Variants in KRT35 observed in about 807,000 individuals in gnomAD.
KRT35 encodes the protein keratin 35.
In KRT35, 33 loss-of-function variants were observed where a neutral mutation model predicts 42.2. The ratio of observed to expected loss-of-function variants is 0.78; its 90% CI spans 0.59 to 1.05. The LOEUF (loss-of-function observed/expected upper bound fraction) is 1.05, where lower values mean the gene tolerates loss of function less well. KRT35 is among the 50% of genes least tolerant of loss of function. KRT35 has a pLI of 0.00. For missense variants in KRT35, 585 were observed against 589.2 expected, an observed-to-expected ratio of 0.99 and a Z score of 0.07; for synonymous variants, 218 against 238.2, an observed-to-expected ratio of 0.92 and a Z score of 0.78.
chr17:41,477,391 G>T, intron 6 of KRT35, 127 bp downstream of exon 6: 1 of 1,400,952 alleles, frequency 7.1e-7, no homozygotes, highest in Non-Finnish European at 9.7e-7. Context: ...TGAGTTTTCA[G>T]GAAGACCAGA....
rs563788913 is a variant in KRT35, at chr17:41,479,068, C to T, written c.712-73G>A. On this transcript the variant is annotated intron_variant, in intron 3 of 6. Transcript: ENST00000246639. ...AAGGTTCACCTCCTCCTCATGTTCACCTCCTCCCCATGCTCACCCCTCCTA... is the reference window on the plus strand; with the variant it reads ...AAGGTTCACCTCCTCCTCATGTTCATCTCCTCCCCATGCTCACCCCTCCTA... 6.4e-5 allele frequency: 94 copies of T among 1,457,570 alleles called. No individual in the cohort carries two copies. In the African/African-American group the frequency reaches 1.1e-3, roughly 17 times the overall value. The allele number at this position is 1,457,570 out of a possible 1,614,324, so 90.3% of individuals were successfully genotyped here. A position where few individuals can be genotyped will look rare whatever the true frequency, so the allele number is the denominator to read the frequency against.
chr17:41,481,010 C>A lies in KRT35; in HGVS notation c.88G>T (p.Ala30Ser), dbSNP rs139838007. Residue 30 changes from alanine (A) to serine (S), a missense_variant, in exon 1 of 7, where the codon GCA becomes TCA. Ala to Ser is a moderately conservative substitution (Grantham distance 99). Transcript: ENST00000246639. ...GASGGSTRVSAMYSSSSCKLP... is the reference protein window; with the variant it reads ...GASGGSTRVSSMYSSSSCKLP... ...TTGCAAGAGCTGCTGGAGTACATTG[C>A]GGACACACGAGTGGAGCCCCCACTG... The A allele has an allele frequency of 6.2e-7, 1 of 1,613,790 alleles. No individual in the cohort carries two copies. The highest frequency in any genetic ancestry group is 8.5e-7 in the Non-Finnish European group (1 of 1,180,012).
chr17:41,479,534 G>A, intron 2 of KRT35, 31 bp from the exon 3 acceptor site: 2 of 1,605,562 alleles, frequency 1.2e-6, no homozygotes, highest in Non-Finnish European at 8.5e-7. Context: ...ACCTGAGTCT[G>A]CATTTCCTTT....
chr17:41,477,159 GA>G lies in KRT35; in HGVS notation c.1264del (p.Ser422HisfsTer38). 6.2e-7 allele frequency: 1 copy of G among 1,613,826 alleles called. No homozygotes were observed. Among genetic ancestry groups the G allele is most frequent in the South Asian group, 1.1e-5 (1 of 91,032 alleles). ...GGCCGCAGGAAGACAGGGAAGGCAT[GA>G]CTTGGAGGGTGAGTAGTCAGGTGCA... is the stretch of plus-strand genomic sequence containing the variant. The part of the protein sequence containing the change: ...PCAPDYSPSK[S>X]CLPCLPAASC... On this transcript the variant is annotated frameshift_variant, in exon 7 of 7. Coordinates refer to ENST00000246639, the MANE Select transcript of KRT35 (RefSeq NM_002280.6). LOFTEE classifies it high-confidence loss of function.
intron 2 of KRT35, 54 bp downstream of exon 2, chr17:41,479,645 C>A: frequency 6.3e-7 from 1 of 1,578,844 alleles, no homozygotes; most frequent in Non-Finnish European, 8.7e-7. Flanking sequence ...GCTCAGGCAT[C>A]ACCTGTGTCC....
chr17:41,476,993 T>G lies in KRT35; in HGVS notation c.*63A>C, dbSNP rs2019179251. The G allele has an allele frequency of 1.4e-6, 2 of 1,472,066 alleles. No individual in the cohort carries two copies. Among genetic ancestry groups the G allele is most frequent in the Non-Finnish European group, 9.1e-7 (1 of 1,099,422 alleles). 91.2% of individuals were successfully genotyped at this position (1,472,066 alleles called of 1,614,324 possible). On this transcript the variant is annotated 3_prime_UTR_variant, in exon 7 of 7. Transcript: ENST00000246639. Reference sequence around the variant, plus strand: ...AGGGGATTGGGCTACAAGGGTTAAGTTTGGGTAGAGGCCAAGTTCAAGCCC... The same window carrying G: ...AGGGGATTGGGCTACAAGGGTTAAGGTTGGGTAGAGGCCAAGTTCAAGCCC...
At chr17:41,479,120 TG>T (rs1331732526) in intron 3 of KRT35, 125 bp from the exon 4 acceptor site, 2 of 1,036,580 alleles carry the variant, frequency 1.9e-6, no homozygotes, top group Non-Finnish European at 1.4e-6. Flanking sequence ...CATGCTCATC[TG>T]CTCCCCATGC....
Position 41,477,012 on chromosome 17 carries a change from C to G in KRT35, c.*44G>C. ...GTTAAGTTTGGGTAGAGGCCAAGTT[C>G]AAGCCCTGGAGACAATAGCCATGGC... is the stretch of plus-strand genomic sequence containing the variant. On this transcript the variant is annotated 3_prime_UTR_variant, in exon 7 of 7. Transcript: ENST00000246639. 1 of 1,515,026 alleles carries G rather than the reference C, an allele frequency of 6.6e-7. No homozygotes were observed. The highest frequency in any genetic ancestry group is 8.8e-7 in the Non-Finnish European group (1 of 1,135,112). 93.8% of individuals were successfully genotyped at this position (1,515,026 alleles called of 1,614,324 possible).
Position 41,477,153 on chromosome 17 carries a change from AG to A in KRT35, c.1270del (p.Leu424PhefsTer36), listed in dbSNP as rs776010559. On this transcript the variant is annotated frameshift_variant, in exon 7 of 7. Coordinates refer to ENST00000246639, the MANE Select transcript of KRT35 (RefSeq NM_002280.6). LOFTEE classifies it high-confidence loss of function. ...APDYSPSKSC[L>X]PCLPAASCGP... ...GCAGGAGGCCGCAGGAAGACAGGGA[AG>A]GCATGACTTGGAGGGTGAGTAGTCA... 1.2e-6 allele frequency: 2 copies of A among 1,613,818 alleles called. No homozygotes were observed. Among genetic ancestry groups the A allele is most frequent in the South Asian group, 2.2e-5 (2 of 91,044 alleles).
chr17:41,479,955 C>G (rs767234872), intron 1 of KRT35, among the ~76,000 whole-genome samples, 174 bp from the exon 2 acceptor site: 4 of 152,150 alleles, frequency 2.6e-5, no homozygotes, highest in Admixed American at 6.5e-5. Flanking sequence ...ATGGAAAGTC[C>G]AGGGTTTCTT....
rs746081604 is a variant in KRT35, at chr17:41,477,570, G to T, written c.1168C>A (p.Leu390Met). 11 of 1,613,530 alleles carry T rather than the reference G, an allele frequency of 6.8e-6. No homozygotes were observed. The highest frequency in any genetic ancestry group is 9.3e-6 in the Non-Finnish European group (11 of 1,179,892). The change falls in exon 6 of 7, where the codon CTG (leucine) becomes ATG (methionine). Residue 390 changes from leucine to methionine, a missense_variant. Transcript: ENST00000246639. Reference protein sequence around the residue: ...YQVLLDVRARLECEINTYRGL... With the variant: ...YQVLLDVRARMECEINTYRGL... Reference sequence around the variant, plus strand: ...CGGTACGTGTTGATCTCACACTCCAGCCGGGCCCGGACGTCCAGCAGCACC... The same window carrying T: ...CGGTACGTGTTGATCTCACACTCCATCCGGGCCCGGACGTCCAGCAGCACC...
Position 41,480,687 on chromosome 17 carries a change from G to T in KRT35, c.411C>A (p.Val137=), listed in dbSNP as rs775657586. 6.2e-7 allele frequency: 1 copy of T among 1,614,186 alleles called. No individual in the cohort carries two copies. Among genetic ancestry groups the T allele is most frequent in the Non-Finnish European group, 8.5e-7 (1 of 1,180,028 alleles). ...ACTGGTAGTCAGGGCACATGTAGGG[G>T]ACCTGCTGCTCACACCACTCACGGA... ...SRIREWCEQQ[V]PYMCPDYQSY... Residue 137 remains valine (V), a synonymous_variant, in exon 1 of 7, where the codon GTC becomes GTA. Coordinates refer to ENST00000246639, the MANE Select transcript of KRT35 (RefSeq NM_002280.6).
chr17:41,476,916 T>C lies in KRT35; in HGVS notation c.*140A>G, dbSNP rs2019178357. 3 of 827,272 alleles carry C rather than the reference T, an allele frequency of 3.6e-6. No individual in the cohort carries two copies. The highest frequency in any genetic ancestry group is 1.8e-5 in the African/African-American group (1 of 56,394). The allele number at this position is 827,272 out of a possible 1,614,324, so 51.2% of individuals were successfully genotyped here. ...GCTCTGAGAAACTTTAGGGCATGTA[T>C]TTGCAGAAAGCCTTTTCAGCCAGAC... On this transcript the variant is annotated 3_prime_UTR_variant, in exon 7 of 7. Transcript: ENST00000246639.
rs2019184369 is a variant in KRT35 at position 41,477,208 on chromosome 17, A to G, written c.1221-5T>C. On this transcript the variant is annotated splice_polypyrimidine_tract_variant and splice_region_variant and intron_variant, in intron 6 of 6. Transcript: ENST00000246639. ...GCACATGGGTTACAGGGGAGCCTAGAAAAAAGAAAACAAATTACTGTGATT... is the reference window on the plus strand; with the variant it reads ...GCACATGGGTTACAGGGGAGCCTAGGAAAAAGAAAACAAATTACTGTGATT... 2.5e-6 allele frequency: 4 copies of G among 1,613,698 alleles called. No homozygotes were observed. Among genetic ancestry groups the G allele is most frequent in the Non-Finnish European group, 3.4e-6 (4 of 1,179,792 alleles).
In KRT35 at chr17:41,480,826, C is replaced by G; in HGVS notation, c.272G>C (p.Gly91Ala). Residue 91 changes from glycine to alanine, a missense_variant, in exon 1 of 7, where the codon GGC becomes GCC. Gly to Ala is a moderately conservative substitution (Grantham distance 60). Coordinates refer to ENST00000246639, the MANE Select transcript of KRT35 (RefSeq NM_002280.6). ...CTCCTTCTCATTGCCAGTGAGGATGCCCTCCCCAAACCAGCCCCCACCCCC... is the reference window on the plus strand; with the variant it reads ...CTCCTTCTCATTGCCAGTGAGGATGGCCTCCCCAAACCAGCCCCCACCCCC... ...YSGGGGWFGE[G>A]ILTGNEKETM... is the part of the protein sequence containing the mutation. 2 of 1,614,128 alleles carry G rather than the reference C, an allele frequency of 1.2e-6. No individual in the cohort carries two copies. Among genetic ancestry groups the G allele is most frequent in the Non-Finnish European group, 1.7e-6 (2 of 1,179,994 alleles).
intron 2 of KRT35, 81 bp from the exon 3 acceptor site, chr17:41,479,584 C>T: frequency 1.9e-6 from 3 of 1,571,748 alleles, no homozygotes; most frequent in Non-Finnish European, 2.6e-6. Context: ...TGTCCAGGTG[C>T]TGTGAGTCCT....
rs770997785 is a variant in KRT35, at chr17:41,477,150, G to A, written c.1274C>T (p.Pro425Leu). 1.9e-6 allele frequency: 3 copies of A among 1,613,776 alleles called. No individual in the cohort carries two copies. Among genetic ancestry groups the A allele is most frequent in the South Asian group, 1.1e-5 (1 of 91,032 alleles). Reference sequence around the variant, plus strand: ...ACCGCAGGAGGCCGCAGGAAGACAGGGAAGGCATGACTTGGAGGGTGAGTA... The same window carrying A: ...ACCGCAGGAGGCCGCAGGAAGACAGAGAAGGCATGACTTGGAGGGTGAGTA... ...PDYSPSKSCLPCLPAASCGPS... is the reference protein window; with the variant it reads ...PDYSPSKSCLLCLPAASCGPS... Residue 425 changes from proline to leucine, a missense_variant, in exon 7 of 7, where the codon CCC (proline) becomes CTC (leucine). Pro to Leu is a moderately conservative substitution (Grantham distance 98). Coordinates refer to ENST00000246639, the MANE Select transcript of KRT35 (RefSeq NM_002280.6).
At position 41,480,746 on chromosome 17, in the gene KRT35, G is replaced by A; in HGVS notation, c.352C>T (p.Leu118=). The change falls in exon 1 of 7, where the codon CTG becomes TTG. Residue 118 remains leucine, a synonymous_variant. Coordinates refer to ENST00000246639, the MANE Select transcript of KRT35 (RefSeq NM_002280.6). ...TCCAGGCTGGCGTTCTCCTGCTCCA[G>A]CTGACGCACCTTCTCCAGGTAGCCG... ...LAGYLEKVRQ[L]EQENASLESR... is the part of the protein sequence containing the mutation. 6.2e-7 allele frequency: 1 copy of A among 1,614,192 alleles called. No individual in the cohort carries two copies. The highest frequency in any genetic ancestry group is 1.3e-5 in the African/African-American group (1 of 75,034).
chr17:41,478,510 T>C (rs371363993), intron 4 of KRT35, 24 bp from the exon 5 acceptor site: 18 of 1,608,404 alleles, frequency 1.1e-5, no homozygotes, highest in Admixed American at 3.4e-5. Context: ...ACACAGAACC[T>C]GGTCAGCCAC....
Sources: allele counts gnomAD v4.1 joint callset (sites outside exome capture counted in the v4.1 genomes callset), GRCh38; gene constraint gnomAD v4.1.1; transcripts MANE v1.5; gene names NCBI Gene and HGNC (gene_info 2026-07-23, HGNC 2026-07-21).